SYT7: variants seen among roughly 807,000 people sequenced by gnomAD.
SYT7 encodes synaptotagmin-7.
In SYT7, 29 loss-of-function variants were observed where a neutral mutation model predicts 75.1. The observed-to-expected ratio is 0.39, with a 90% CI of 0.29 to 0.53. The LOEUF is 0.53. Among genes scored for constraint, SYT7 ranks in the 20% least tolerant of loss-of-function variants. The pLI is 0.77. For missense variants in SYT7, 693 were observed against 953.2 expected, an observed-to-expected ratio of 0.73 and a Z score of 3.59; for synonymous variants, 376 against 401.7, an observed-to-expected ratio of 0.94 and a Z score of 0.76.
intron 8 of SYT7, among the ~76,000 whole-genome samples, chr11:61,530,058 G>A (rs558580856): frequency 5.5e-4 from 84 of 152,308 alleles, no homozygotes; most frequent in African/African-American, 2.0e-3. Context: ...CACTCCCGCT[G>A]GAACACGTGG....
intron 9 of SYT7, among the ~76,000 whole-genome samples, chr11:61,525,091 G>A (rs756738947): frequency 7.2e-5 from 11 of 152,120 alleles, no homozygotes; most frequent in Non-Finnish European, 1.0e-4. Flanking sequence ...CCTTCCTACC[G>A]CAGCGTCCCC....
rs1245796923 is a variant in SYT7 at position 61,518,513 on chromosome 11, C to G, written c.*114G>C. On this transcript the variant is annotated 3_prime_UTR_variant, in exon 13 of 13. Transcript: ENST00000539008. ...CCTGGGACCCCTCCCTGGCTGAGCC[C>G]TCAGGGTCCTCCCCTCCCTATGGCA... The G allele has an allele frequency of 9.9e-6, 7 of 710,210 alleles. No individual in the cohort carries two copies. In the East Asian group the frequency reaches 1.5e-4, roughly 16 times the overall value. The allele number at this position is 710,210 out of a possible 1,614,324, so 44.0% of individuals were successfully genotyped here.
At chr11:61,561,369 GGCT>G (rs1490945943) in intron 1 of SYT7, among the ~76,000 whole-genome samples, 1 of 152,228 alleles carries the variant, frequency 6.6e-6, no homozygotes, top group Non-Finnish European at 1.5e-5. Context: ...AGCTGGGGCA[GGCT>G]GCTGCCCCTC....
chr11:61,557,087 C>T (rs1043285061), intron 1 of SYT7, among the ~76,000 whole-genome samples: 1 of 152,346 alleles, frequency 6.6e-6, no homozygotes, highest in East Asian at 1.9e-4. Flanking sequence ...TGGTTTCTTC[C>T]TCTGTAAATG....
At chr11:61,581,158 G>C (rs187323891), upstream of SYT7, 8 of 153,310 alleles carry the variant, frequency 5.2e-5, no homozygotes, top group Middle Eastern at 6.7e-3. Context: ...GGGCACCGCC[G>C]GCGCCGCCCG....
the SYT7 span, among the ~76,000 whole-genome samples, chr11:61,586,740 C>T: frequency 2.0e-5 from 3 of 152,174 alleles, no homozygotes; most frequent in Non-Finnish European, 4.4e-5. Context: ...GAACCCAGTT[C>T]TCTGCCCTCC....
Position 61,551,419 on chromosome 11 carries a change from G to T in SYT7, c.180C>A (p.Asp60Glu). 1 of 1,613,936 alleles carries T rather than the reference G, an allele frequency of 6.2e-7. No individual in the cohort carries two copies. Among genetic ancestry groups the T allele is most frequent in the Non-Finnish European group, 8.5e-7 (1 of 1,179,956 alleles). Residue 60 changes from aspartate to glutamate, a missense_variant, in exon 3 of 13, where the codon GAC (aspartate) becomes GAA (glutamate). Coordinates refer to ENST00000539008, the MANE Select transcript of SYT7 (RefSeq NM_001365809.2). The surrounding 1 kb of genome is among the most constrained non-coding windows in gnomAD (Gnocchi z 5.3). ...TCTTCTCACTGCGCCCACGCCCTGAGTCTGGCGTGCCCACCGTCTCCAAGG... is the reference window on the plus strand; with the variant it reads ...TCTTCTCACTGCGCCCACGCCCTGATTCTGGCGTGCCCACCGTCTCCAAGG... ...KNSLETVGTP[D>E]SGRGRSEKKA...
chr11:61,558,489 C>T (rs867782306), intron 1 of SYT7, among the ~76,000 whole-genome samples: 1 of 141,190 alleles, frequency 7.1e-6, no homozygotes, highest in African/African-American at 2.8e-5. Flanking sequence ...TATATATACA[C>T]ACACACACAC....
Position 61,532,433 on chromosome 11 carries a change from T to G in SYT7, c.1200+556A>C, listed in dbSNP as rs75888654. Among the ~76,000 whole-genome samples, 8 of 152,030 alleles carry G rather than the reference T, an allele frequency of 5.3e-5. No homozygotes were observed. In the South Asian group the frequency reaches 1.0e-3, roughly 20 times the overall value. On this transcript the variant is annotated intron_variant, in intron 8 of 12. Transcript: ENST00000539008. Reference sequence around the variant, plus strand: ...TTGGTGGCATCTGGTGGGGCGTGGGTGTGGACAGGAGCCCCCATCACAGCT... The same window carrying G: ...TTGGTGGCATCTGGTGGGGCGTGGGGGTGGACAGGAGCCCCCATCACAGCT...
Position 61,528,087 on chromosome 11 carries a change from G to A in SYT7, c.1299C>T (p.Ser433=). The A allele has an allele frequency of 6.2e-7, 1 of 1,613,886 alleles. No individual in the cohort carries two copies. The highest frequency in any genetic ancestry group is 1.3e-5 in the African/African-American group (1 of 75,030). ...CCTTCATGATCTTCACGGTGAGCGT[G>A]GACTCCTGGAAGTTGTAGCCGACAC... ...QFSVGYNFQE[S]TLTVKIMKAQ... The change falls in exon 9 of 13, where the codon TCC becomes TCT. Residue 433 remains serine, a synonymous_variant. Coordinates refer to ENST00000539008, the MANE Select transcript of SYT7 (RefSeq NM_001365809.2).
At chr11:61,587,605 G>T in the SYT7 span, among the ~76,000 whole-genome samples, 1 of 152,254 alleles carries the variant, frequency 6.6e-6, no homozygotes, top group African/African-American at 2.4e-5. Flanking sequence ...CCGCGCAGAA[G>T]GCGCGCCTGG....
At position 61,551,275 on chromosome 11, in the gene SYT7, G is replaced by A. The variant is rs2063341662; in HGVS notation, c.215+109C>T. Reference sequence around the variant, plus strand: ...GTAGAGAGCATGGCATCGGGGTGTGGGGGAAGTGAAAGTGTGTGGTCAGGT... The same window carrying A: ...GTAGAGAGCATGGCATCGGGGTGTGAGGGAAGTGAAAGTGTGTGGTCAGGT... On this transcript the variant is annotated intron_variant, in intron 3 of 12. Coordinates refer to ENST00000539008, the MANE Select transcript of SYT7 (RefSeq NM_001365809.2). The surrounding 1 kb of genome is among the most constrained non-coding windows in gnomAD (Gnocchi z 5.3). The A allele has an allele frequency of 3.4e-5, 35 of 1,038,092 alleles. No individual in the cohort carries two copies. Among genetic ancestry groups the A allele is most frequent in the Non-Finnish European group, 5.0e-5 (34 of 683,528 alleles). 64.3% of individuals were successfully genotyped at this position (1,038,092 alleles called of 1,614,324 possible). A position where few individuals can be genotyped will look rare whatever the true frequency, so the allele number is the denominator to read the frequency against.
chr11:61,538,075 C>G, intron 7 of SYT7, 69 bp downstream of exon 7: 1 of 1,523,440 alleles, frequency 6.6e-7, no homozygotes, highest in Non-Finnish European at 8.8e-7. Flanking sequence ...CGGGGCCGGT[C>G]GAGGCAGGCG....
chr11:61,570,298 G>A (rs561679953), intron 1 of SYT7, among the ~76,000 whole-genome samples: 13 of 152,272 alleles, frequency 8.5e-5, no homozygotes, highest in African/African-American at 3.1e-4. Context: ...CTGGAGTGTG[G>A]GGTGGCAGGC....
chr11:61,534,320 C>T (rs1469843311), intron 7 of SYT7, among the ~76,000 whole-genome samples: 1 of 152,230 alleles, frequency 6.6e-6, no homozygotes, highest in East Asian at 1.9e-4. Context: ...ATGGAATATG[C>T]CAGGCCCTGG....
At chr11:61,563,445 C>T (rs2063690538) in intron 1 of SYT7, among the ~76,000 whole-genome samples, 1 of 152,194 alleles carries the variant, frequency 6.6e-6, no homozygotes, top group Admixed American at 6.5e-5. Flanking sequence ...GATACTGCGC[C>T]ATGAAGTTTA....
chr11:61,540,368 G>A (rs2063006238), intron 6 of SYT7: 5 of 368,188 alleles, frequency 1.4e-5, no homozygotes, highest in Non-Finnish European at 1.9e-5. Flanking sequence ...GTAAAGCAAG[G>A]GGCAAATTAC....
At position 61,553,993 on chromosome 11, in the gene SYT7, G is replaced by C. The variant is rs951261346; in HGVS notation, c.135+2111C>G. Among the ~76,000 whole-genome samples the C allele has an allele frequency of 4.6e-5, 7 of 152,058 alleles. No homozygotes were observed. Among genetic ancestry groups the C allele is most frequent in the African/African-American group, 1.7e-4 (7 of 41,366 alleles). On this transcript the variant is annotated intron_variant, in intron 2 of 12. Transcript: ENST00000539008. This position sits in a 1 kb window ranked among gnomAD's most constrained non-coding sequence, Gnocchi z 5.2. ...CGGAGGGGAGGGGGTGGCAGGGCTT[G>C]GGGGACTGGGGAGAGTAGCATTCTA...
In SYT7 at chr11:61,518,748, G is replaced by C; in HGVS notation, c.1957-17C>G. On this transcript the variant is annotated splice_polypyrimidine_tract_variant and intron_variant, in intron 12 of 12. Coordinates refer to ENST00000539008, the MANE Select transcript of SYT7 (RefSeq NM_001365809.2). ...CAGGTAGATCTGGGGAGAAAGGGGAGACGATGGCATCGGCACAGGCTCCAG... is the reference window on the plus strand; with the variant it reads ...CAGGTAGATCTGGGGAGAAAGGGGACACGATGGCATCGGCACAGGCTCCAG... 6.6e-7 allele frequency: 1 copy of C among 1,521,426 alleles called. No individual in the cohort carries two copies. The highest frequency in any genetic ancestry group is 8.9e-7 in the Non-Finnish European group (1 of 1,125,868). 94.2% of individuals were successfully genotyped at this position (1,521,426 alleles called of 1,614,324 possible).
Sources: allele counts gnomAD v4.1 joint callset (sites outside exome capture counted in the v4.1 genomes callset), GRCh38; gene constraint gnomAD v4.1.1; non-coding constraint Gnocchi (gnomAD v3.1); transcripts MANE v1.5; gene names NCBI Gene and HGNC (gene_info 2026-07-23, HGNC 2026-07-21).